Variants in ANKRD36 observed in about 807,000 individuals in gnomAD.
ANKRD36 encodes the protein ankyrin repeat domain 36.
A neutral mutation model predicts 278.1 loss-of-function variants in ANKRD36; 179 were observed. The observed-to-expected ratio is 0.64, with a 90% CI of 0.57 to 0.73. The LOEUF (loss-of-function observed/expected upper bound fraction) is 0.73. Among genes scored for constraint, ANKRD36 ranks in the 30% least tolerant of loss-of-function variants. The probability of loss-of-function intolerance (pLI) is 0.00; values close to 1 mark genes in which losing one functional copy is unlikely to be tolerated. For synonymous variants in ANKRD36, 320 were observed against 641.1 expected (o/e 0.50, Z 7.57); for missense variants, 1,159 against 1,956.7 (o/e 0.59, Z 7.69).
chr2:97,185,626 C>T (rs77691051), intron 30 of ANKRD36, 116 bp downstream of exon 30: 8 of 1,289,788 alleles, frequency 6.2e-6, no homozygotes, highest in East Asian at 2.5e-5. Flanking sequence ...TCAGCAGGCC[C>T]GAGATTCTTC....
chr2:97,118,351 A>C lies in ANKRD36; in HGVS notation c.320A>C (p.Gln107Pro), dbSNP rs763561047. 15 of 1,610,600 alleles carry C rather than the reference A, an allele frequency of 9.3e-6. 1 individual carries two copies. The highest frequency in any genetic ancestry group is 1.3e-5 in the African/African-American group (1 of 74,858). The change falls in exon 3 of 76, where the codon CAA becomes CCA. Residue 107 changes from glutamine to proline, a missense_variant. Gln to Pro is a moderately conservative substitution (Grantham distance 76). Transcript: ENST00000420699. ...EDRTPLIKAV[Q>P]LRQEACATLL... Reference sequence around the variant, plus strand: ...TCGGTCTAATACTGACAGGCTGTACAACTGAGGCAGGAGGCTTGTGCAACT... The same window carrying C: ...TCGGTCTAATACTGACAGGCTGTACCACTGAGGCAGGAGGCTTGTGCAACT...
chr2:97,225,619 CT>C (rs1339616968), intron 67 of ANKRD36, among the ~76,000 whole-genome samples: 2 of 152,122 alleles, frequency 1.3e-5, no homozygotes, highest in South Asian at 2.1e-4. Flanking sequence ...ATTTGCTTTT[CT>C]TTTTTTATTT....
chr2:97,212,803 G>T (rs2065014538), intron 58 of ANKRD36: 1 of 175,584 alleles, frequency 5.7e-6, no homozygotes, highest in South Asian at 1.5e-4. Context: ...TAAACGAGTG[G>T]ATACAAGAAA....
intron 42 of ANKRD36, among the ~76,000 whole-genome samples, chr2:97,197,047 G>C (rs1298215750): frequency 1.3e-5 from 2 of 151,900 alleles, no homozygotes; most frequent in African/African-American, 4.8e-5. Context: ...AAGGGTCTCT[G>C]GGGAACAGCA....
At chr2:97,231,555 G>A (rs1325430540) in intron 67 of ANKRD36, among the ~76,000 whole-genome samples, 14 of 152,246 alleles carry the variant, frequency 9.2e-5, no homozygotes, top group African/African-American at 3.1e-4. Context: ...TCTTTGACTA[G>A]GAAAGGGAAC....
At chr2:97,217,103 T>C (rs1404806542) in intron 62 of ANKRD36, 74 bp from the exon 63 acceptor site, 2 of 1,542,580 alleles carry the variant, frequency 1.3e-6, no homozygotes, top group South Asian at 1.2e-5. Flanking sequence ...AGCTTGATGC[T>C]AACACTGCAT....
chr2:97,205,962 C>T lies in ANKRD36; in HGVS notation c.3084C>T (p.Thr1028=). The T allele has an allele frequency of 6.4e-7, 1 of 1,556,170 alleles. No individual in the cohort carries two copies. Among genetic ancestry groups the T allele is most frequent in the Non-Finnish European group, 8.7e-7 (1 of 1,155,058 alleles). ...TRTVSSQKPP[T]LKATSDEEDS... Reference sequence around the variant, plus strand: ...CAGTGTCTTCTCAGAAACCACCAACCTTGAAGGTAATGAAACTCCCATTTA... The same window carrying T: ...CAGTGTCTTCTCAGAAACCACCAACTTTGAAGGTAATGAAACTCCCATTTA... The change falls in exon 51 of 76, where the codon ACC becomes ACT. Residue 1028 remains threonine (T), a synonymous_variant. Transcript: ENST00000420699.
chr2:97,194,562 AG>A (rs1447305262), intron 38 of ANKRD36, among the ~76,000 whole-genome samples, 163 bp from the exon 39 acceptor site: 1 of 151,556 alleles, frequency 6.6e-6, no homozygotes, highest in Admixed American at 6.6e-5. Context: ...CCCTTTTTTC[AG>A]GGTATTTCTG....
At chr2:97,202,590 C>T (rs1361218621) in intron 48 of ANKRD36, among the ~76,000 whole-genome samples, 197 bp downstream of exon 48, 1 of 151,828 alleles carries the variant, frequency 6.6e-6, no homozygotes, top group African/African-American at 2.4e-5. Flanking sequence ...AGATTATACA[C>T]TTCCCCACAT....
At chr2:97,150,788 T>C (rs1454202414) in intron 12 of ANKRD36, among the ~76,000 whole-genome samples, 3 of 152,170 alleles carry the variant, frequency 2.0e-5, no homozygotes, top group African/African-American at 7.2e-5. Flanking sequence ...TTCTATTAAA[T>C]ACCTTTTTTT....
At chr2:97,199,174 T>A (rs1230218173) in intron 44 of ANKRD36, among the ~76,000 whole-genome samples, 5 of 151,896 alleles carry the variant, frequency 3.3e-5, no homozygotes, top group African/African-American at 1.2e-4. Context: ...GAGTTTCTGC[T>A]GAGGAAACCT....
chr2:97,203,965 A>T, intron 48 of ANKRD36, 103 bp from the exon 49 acceptor site: 3 of 1,494,092 alleles, frequency 2.0e-6, no homozygotes, highest in Non-Finnish European at 2.7e-6. Context: ...AGCATACGCT[A>T]ATACAGGCAG....
intron 54 of ANKRD36, among the ~76,000 whole-genome samples, chr2:97,209,118 A>G (rs1202573750): frequency 6.8e-6 from 1 of 146,672 alleles, no homozygotes; most frequent in Admixed American, 6.7e-5. Flanking sequence ...GATAATGAAT[A>G]TTATCTACTA....
At chr2:97,231,477 G>T (rs780792248) in intron 67 of ANKRD36, among the ~76,000 whole-genome samples, 20 of 152,138 alleles carry the variant, frequency 1.3e-4, no homozygotes, top group Admixed American at 2.0e-4. Context: ...CGTTTTTTAA[G>T]CCCGTCGGAA....
Position 97,146,495 on chromosome 2 carries a change from C to G in ANKRD36, c.1013C>G (p.Ala338Gly). The G allele has an allele frequency of 6.6e-7, 1 of 1,519,438 alleles. No individual in the cohort carries two copies. The highest frequency in any genetic ancestry group is 2.5e-5 in the East Asian group (1 of 40,720). The allele number at this position is 1,519,438 out of a possible 1,614,324, so 94.1% of individuals were successfully genotyped here. Residue 338 changes from alanine (A) to glycine (G), a missense_variant, in exon 11 of 76, where the codon GCT becomes GGT. By Grantham distance (60) the Ala-to-Gly change is moderately conservative. Coordinates refer to ENST00000420699, the MANE Select transcript of ANKRD36 (RefSeq NM_001354587.1). ...ACTTTTTGTTTAATAGTGCTTCCTG[C>G]TGTTGAACAGTGTTTAAACAGGTAT... ...DEQKSGTVLP[A>G]VEQCLNRSLY...
At chr2:97,217,264 T>C in intron 63 of ANKRD36, 36 bp from the exon 64 acceptor site, 1 of 1,547,386 alleles carries the variant, frequency 6.5e-7, no homozygotes, top group Non-Finnish European at 8.7e-7. Flanking sequence ...GAAATATATA[T>C]TATGTATTGA....
intron 1 of ANKRD36, among the ~76,000 whole-genome samples, 160 bp downstream of exon 1, chr2:97,114,096 TG>T (rs1287836599): frequency 2.3e-3 from 248 of 106,104 alleles, no homozygotes; most frequent in African/African-American, 8.5e-3. Flanking sequence ...GAGCGGGGCC[TG>T]GGGAGTGGCG....
rs555622361 is a variant in ANKRD36 at position 97,144,379 on chromosome 2, C to A, written c.902-139C>A. The A allele has an allele frequency of 3.2e-6, 4 of 1,261,038 alleles. No homozygotes were observed. In the South Asian group the frequency reaches 4.0e-5, roughly 12 times the overall value. 78.1% of individuals were successfully genotyped at this position (1,261,038 alleles called of 1,614,324 possible). Reference sequence around the variant, plus strand: ...AGTGTAATTCTGTCATGTTCCTGTCCCAATACACAAAGTAGAAAACATCAA... The same window carrying A: ...AGTGTAATTCTGTCATGTTCCTGTCACAATACACAAAGTAGAAAACATCAA... On this transcript the variant is annotated intron_variant, in intron 8 of 75. Transcript: ENST00000420699.
At chr2:97,201,848 A>G (rs915125040) in intron 46 of ANKRD36, among the ~76,000 whole-genome samples, 4 of 151,932 alleles carry the variant, frequency 2.6e-5, no homozygotes, top group Non-Finnish European at 5.9e-5. Context: ...GGGATCATGT[A>G]GCACCTGCTT....
Sources: gnomAD v4.1 joint callset for allele counts (sites outside exome capture counted in the v4.1 genomes callset) on GRCh38, gnomAD v4.1.1 for gene constraint, MANE v1.5 for transcripts, NCBI Gene and HGNC (gene_info 2026-07-23, HGNC 2026-07-21) for gene names.